The following WDR7 variants were observed in gnomAD, a reference collection of about 807,000 sequenced individuals.
WDR7 encodes WD repeat domain 7, also known as WD repeat-containing protein 7.
Under a neutral mutation model 169.4 loss-of-function variants are expected in WDR7, and 46 were observed. The ratio of observed to expected loss-of-function variants is 0.27; its 90% CI spans 0.21 to 0.35. WDR7 has a LOEUF of 0.35. Ranked by LOEUF, WDR7 falls within the 10% of genes least tolerant of loss-of-function variation. WDR7 has a pLI of 1.00. For missense variants in WDR7, 1,534 were observed against 1,859.3 expected, an observed-to-expected ratio of 0.83 and a Z score of 3.22; for synonymous variants, 612 against 666.8, an observed-to-expected ratio of 0.92 and a Z score of 1.27.
chr18:56,705,026 T>C (rs1406042562), intron 12 of WDR7, among the ~76,000 whole-genome samples: 1 of 152,180 alleles, frequency 6.6e-6, no homozygotes, highest in African/African-American at 2.4e-5. Flanking sequence ...AGAGATGAAG[T>C]CTTGCTATGT....
At position 56,679,235 on chromosome 18, in the gene WDR7, T is replaced by C; in HGVS notation, c.160-97T>C. 4 of 922,958 alleles carry C rather than the reference T, an allele frequency of 4.3e-6. No homozygotes were observed. In the South Asian group the frequency reaches 6.1e-5, roughly 14 times the overall value. 57.2% of individuals were successfully genotyped at this position (922,958 alleles called of 1,614,324 possible). A position where few individuals can be genotyped will look rare whatever the true frequency, so the allele number is the denominator to read the frequency against. On this transcript the variant is annotated intron_variant, in intron 2 of 27. Transcript: ENST00000254442. ...GCTAGAATAAAAAATCTTAGCAGTC[T>C]ACCTAGTCTTCTATTTTACTATGGC...
intron 21 of WDR7, among the ~76,000 whole-genome samples, chr18:56,907,636 G>C (rs756656882): frequency 6.6e-6 from 1 of 152,058 alleles, no homozygotes; most frequent in African/African-American, 2.4e-5. Context: ...CTTTAGGCTC[G>C]GTAATTTATT....
chr18:56,681,692 A>T (rs895100467), intron 4 of WDR7, among the ~76,000 whole-genome samples: 10 of 152,256 alleles, frequency 6.6e-5, no homozygotes, highest in African/African-American at 2.4e-4. Context: ...AAAATGCTCT[A>T]GGTCCTAAAT....
At chr18:56,899,071 GTTAAGAA>G (rs1210276947) in intron 21 of WDR7, among the ~76,000 whole-genome samples, 1 of 152,048 alleles carries the variant, frequency 6.6e-6, no homozygotes, top group Admixed American at 6.6e-5. Flanking sequence ...AGCTGATTAT[GTTAAGAA>G]TTAAGAATAG....
At chr18:56,963,636 G>C (rs1040201586) in intron 26 of WDR7, among the ~76,000 whole-genome samples, 1 of 152,016 alleles carries the variant, frequency 6.6e-6, no homozygotes, top group Non-Finnish European at 1.5e-5. Flanking sequence ...TTCTGGGCGT[G>C]CATCAAATAT....
At chr18:56,718,770 C>T (rs188376303) in intron 13 of WDR7, among the ~76,000 whole-genome samples, 1 of 152,260 alleles carries the variant, frequency 6.6e-6, no homozygotes, top group East Asian at 1.9e-4. Flanking sequence ...TTTTGAAACT[C>T]GTTGCTTTTT....
chr18:56,710,710 T>C lies in WDR7; in HGVS notation c.1579-7254T>C, dbSNP rs571356697. Among the ~76,000 whole-genome samples the C allele has an allele frequency of 2.0e-5, 3 of 152,360 alleles. No individual in the cohort carries two copies. The East Asian group carries it at 5.8e-4, about 29-fold the overall frequency. The stretch of plus-strand genomic sequence containing the variant: ...TGAATTATATTATGAAATTATTTTC[T>C]ACTCTCAGCGCCCACTTCATTGCCG... On this transcript the variant is annotated intron_variant, in intron 12 of 27. Coordinates refer to ENST00000254442, the MANE Select transcript of WDR7 (RefSeq NM_015285.3).
In WDR7 at chr18:56,657,681, A is replaced by G. The variant is rs117058754; in HGVS notation, c.-20+6105A>G. Among the ~76,000 whole-genome samples, 1,439 of 152,308 alleles carry G rather than the reference A, an allele frequency of 9.4e-3. 8 individuals are homozygous for G. The highest frequency in any genetic ancestry group is 0.017 in the Middle Eastern group (5 of 294). ...AACTTACAATTTGAATTCCATCCAT[A>G]TGGTTCGTTTGTCTTTGTCTGTATC... is the stretch of plus-strand genomic sequence containing the variant. On this transcript the variant is annotated intron_variant, in intron 1 of 27. Coordinates refer to ENST00000254442, the MANE Select transcript of WDR7 (RefSeq NM_015285.3).
chr18:56,757,385 G>A (rs1223461281), intron 15 of WDR7, 33 bp downstream of exon 15: 1 of 1,495,360 alleles, frequency 6.7e-7, no homozygotes, highest in South Asian at 1.4e-5. Flanking sequence ...TTATTCTTAA[G>A]TTTCAAAAAA....
At chr18:56,928,732 G>C (rs2046840343) in intron 22 of WDR7, among the ~76,000 whole-genome samples, 1 of 152,008 alleles carries the variant, frequency 6.6e-6, no homozygotes, top group African/African-American at 2.4e-5. Flanking sequence ...AGAAATTCAA[G>C]AAATAGGCAT....
At chr18:56,802,353 T>A (rs1599055992) in intron 19 of WDR7, among the ~76,000 whole-genome samples, 1 of 151,858 alleles carries the variant, frequency 6.6e-6, no homozygotes, top group Admixed American at 6.6e-5. Flanking sequence ...CAATAAAATT[T>A]TTGTTTTGTT....
At chr18:56,669,711 A>G (rs1186843642) in intron 1 of WDR7, among the ~76,000 whole-genome samples, 1 of 152,150 alleles carries the variant, frequency 6.6e-6, no homozygotes, top group Non-Finnish European at 1.5e-5. Flanking sequence ...TTTCTATTAA[A>G]GTTAACAGAT....
At chr18:56,666,153 C>T (rs1431496639) in intron 1 of WDR7, among the ~76,000 whole-genome samples, 4 of 148,614 alleles carry the variant, frequency 2.7e-5, no homozygotes, top group Non-Finnish European at 3.0e-5. Context: ...GATTTGGGCA[C>T]ATAGCATCCA....
In WDR7 at chr18:56,717,986, G is replaced by T; in HGVS notation, c.1601G>T (p.Cys534Phe). The change falls in exon 13 of 28, where the codon TGC becomes TTC. Residue 534 changes from cysteine (C) to phenylalanine (F), a missense_variant. Transcript: ENST00000254442. ...NCSARVQHCI[C>F]SVASDHSVGL... Reference sequence around the variant, plus strand: ...CAGGCAAGAGTACAGCACTGCATCTGCTCTGTAGCCAGTGACCACTCAGTA... The same window carrying T: ...CAGGCAAGAGTACAGCACTGCATCTTCTCTGTAGCCAGTGACCACTCAGTA... 3.1e-6 allele frequency: 5 copies of T among 1,613,796 alleles called. No homozygotes were observed. The South Asian group carries it at 3.3e-5, about 11-fold the overall frequency.
intron 14 of WDR7, among the ~76,000 whole-genome samples, chr18:56,749,159 T>C (rs1248860516): frequency 6.6e-6 from 1 of 151,808 alleles, no homozygotes; most frequent in East Asian, 1.9e-4. Context: ...ATTCAATAAA[T>C]ATACTAAATC....
At chr18:56,776,697 C>T in intron 16 of WDR7, 85 bp from the exon 17 acceptor site, 1 of 1,176,552 alleles carries the variant, frequency 8.5e-7, no homozygotes, top group Non-Finnish European at 1.3e-6. Context: ...CTTTGTTTTT[C>T]ATTCTTCACT....
intron 20 of WDR7, among the ~76,000 whole-genome samples, chr18:56,841,274 G>A (rs547086800): frequency 6.6e-6 from 1 of 151,908 alleles, no homozygotes; most frequent in East Asian, 1.9e-4. Flanking sequence ...GGGCGCGGTG[G>A]CCCACACCTG....
At position 56,731,387 on chromosome 18, in the gene WDR7, A is replaced by G; in HGVS notation, c.1779A>G (p.Ala593=). 5 of 1,612,424 alleles carry G rather than the reference A, an allele frequency of 3.1e-6. No homozygotes were observed. The highest frequency in any genetic ancestry group is 4.2e-6 in the Non-Finnish European group (5 of 1,178,590). Residue 593 remains alanine, a synonymous_variant, in exon 14 of 28, where the codon GCA becomes GCG. Coordinates refer to ENST00000254442, the MANE Select transcript of WDR7 (RefSeq NM_015285.3). ...SVYVWQMDTG[A]LDRCVMGITA... ...GTGAATATATTTTTCTCGCAGGTGC[A>G]TTGGATCGTTGTGTGATGGGGATAA...
At chr18:56,674,807 C>T (rs2025209912) in intron 2 of WDR7, among the ~76,000 whole-genome samples, 1 of 152,080 alleles carries the variant, frequency 6.6e-6, no homozygotes, top group Admixed American at 6.5e-5. Context: ...ACTAGTTTTA[C>T]TTCTTACATT....
Sources: gnomAD v4.1 joint callset for allele counts (sites outside exome capture counted in the v4.1 genomes callset) on GRCh38, gnomAD v4.1.1 for gene constraint, MANE v1.5 for transcripts, NCBI Gene and HGNC (gene_info 2026-07-23, HGNC 2026-07-21) for gene names.